The following ABR variants were observed in gnomAD, a reference collection of about 807,000 sequenced individuals.
ABR encodes active breakpoint cluster region-related protein.
A neutral mutation model predicts 107.2 loss-of-function variants in ABR; 35 were observed. The observed-to-expected ratio is 0.33, with a 90% CI of 0.25 to 0.43. The LOEUF is 0.43. ABR is among the 20% of genes least tolerant of loss of function. The pLI, the probability that ABR is intolerant of heterozygous loss-of-function variation, is 1.00. For synonymous variants in ABR, 498 were observed against 462.0 expected (o/e 1.08, Z -1.00); for missense variants, 815 against 1,115.2 (o/e 0.73, Z 3.83).
At chr17:1,018,197 C>T (rs974267805) in intron 16 of ABR, among the ~76,000 whole-genome samples, 9 of 152,170 alleles carry the variant, frequency 5.9e-5, no homozygotes, top group South Asian at 2.1e-4. Context: ...CGCCCGCCAC[C>T]ACCCCCGGCT....
chr17:1,044,036 A>T (rs2031131983), intron 16 of ABR, among the ~76,000 whole-genome samples: 1 of 152,348 alleles, frequency 6.6e-6, no homozygotes, highest in East Asian at 1.9e-4. Flanking sequence ...CCTCAGGCCC[A>T]GCCCGCCAAG....
chr17:1,179,124 T>C lies in ABR; in HGVS notation c.61+543A>G, dbSNP rs1454351003. ...CGCATCCAAACGGCCCCCGCGGATATCTGCACCCCCCGTCTCCCCTCCCAC... is the reference window on the plus strand; with the variant it reads ...CGCATCCAAACGGCCCCCGCGGATACCTGCACCCCCCGTCTCCCCTCCCAC... On this transcript the variant is annotated intron_variant, in intron 1 of 22. Transcript: ENST00000302538. This position sits in a 1 kb window ranked among gnomAD's most constrained non-coding sequence, Gnocchi z 4.9. Among the ~76,000 whole-genome samples, 1 of 151,482 alleles carries C rather than the reference T, an allele frequency of 6.6e-6. No homozygotes were observed. The highest frequency in any genetic ancestry group is 1.5e-5 in the Non-Finnish European group (1 of 67,862).
chr17:1,010,437 T>C lies in ABR; in HGVS notation c.2236+292A>G. 2.3e-6 allele frequency: 1 copy of C among 434,552 alleles called. No homozygotes were observed. The highest frequency in any genetic ancestry group is 4.2e-6 in the Non-Finnish European group (1 of 235,894). The allele number at this position is 434,552 out of a possible 1,614,324, so 26.9% of individuals were successfully genotyped here. On this transcript the variant is annotated intron_variant, in intron 20 of 22. Transcript: ENST00000302538. The surrounding 1 kb of genome is among the most constrained non-coding windows in gnomAD (Gnocchi z 4.1). ...TCTGGCCACTCACCTCAGGGCAGTC[T>C]TCCCTGGATGCTCGAGCTTCCAAGC...
chr17:1,222,272 C>T (rs1443175295), intron 1 of ABR, among the ~76,000 whole-genome samples: 1 of 152,056 alleles, frequency 6.6e-6, no homozygotes, highest in Admixed American at 6.6e-5. Context: ...ACCATGTTGG[C>T]CAGGCTGGTC....
chr17:1,042,709 C>T (rs1335399733), intron 16 of ABR, among the ~76,000 whole-genome samples: 7 of 149,638 alleles, frequency 4.7e-5, no homozygotes, highest in Admixed American at 6.7e-5. Flanking sequence ...CCTACATCCA[C>T]GGATGGATGG....
intron 1 of ABR, among the ~76,000 whole-genome samples, chr17:1,146,803 C>CT (rs1043688307): frequency 6.7e-6 from 1 of 148,754 alleles, no homozygotes. Context: ...CATGCCACCA[C>CT]TGCCACCAGG....
rs1295085212 is a variant in ABR, at chr17:1,109,123, G to A, written c.247-8388C>T. On this transcript the variant is annotated intron_variant, in intron 2 of 22. Coordinates refer to ENST00000302538, the MANE Select transcript of ABR (RefSeq NM_021962.5). ...GAAGCGGGGTCCACGCAGCGGCGGC[G>A]GGAGGAGGGAGGAGGGAGGAGGCGG... The A allele has an allele frequency of 6.6e-6, 10 of 1,516,086 alleles. No homozygotes were observed. In the African/African-American group the frequency reaches 1.0e-4, roughly 15 times the overall value. The allele number at this position is 1,516,086 out of a possible 1,614,324, so 93.9% of individuals were successfully genotyped here.
chr17:1,196,043 C>T (rs1279978966), intron 1 of ABR, among the ~76,000 whole-genome samples: 2 of 145,464 alleles, frequency 1.4e-5, no homozygotes, highest in African/African-American at 5.2e-5. Flanking sequence ...GCACGAGGAT[C>T]GCTTGAACCA....
At position 1,158,066 on chromosome 17, in the gene ABR, G is replaced by A. The variant is rs150758336; in HGVS notation, c.61+21601C>T. On this transcript the variant is annotated intron_variant, in intron 1 of 22. Coordinates refer to ENST00000302538, the MANE Select transcript of ABR (RefSeq NM_021962.5). ...TTCTCTTCCAACAGGTGGAAGGAGC[G>A]TGACCACCCCTGAGTAAGCCGCCAT... Among the ~76,000 whole-genome samples the A allele has an allele frequency of 1.1e-4, 16 of 152,244 alleles. No homozygotes were observed. In the East Asian group the frequency reaches 2.5e-3, roughly 24 times the overall value.
intron 1 of ABR, among the ~76,000 whole-genome samples, chr17:1,146,795 TGCCACCACTGCCACCAGGCCACCAC>T (rs1567824196): frequency 1.8e-5 from 1 of 56,412 alleles, no homozygotes; most frequent in East Asian, 1.2e-3. Flanking sequence ...ACTGCCACCA[TGCCACCACTGCCACCAGGCCACCAC>T]TGCCACACGA....
At chr17:1,189,966 C>T (rs1422662316), upstream of ABR, among the ~76,000 whole-genome samples, 1 of 152,206 alleles carries the variant, frequency 6.6e-6, no homozygotes, top group Non-Finnish European at 1.5e-5. Flanking sequence ...TGAGGCAGTA[C>T]AGGTGTTCCA....
Position 1,203,412 on chromosome 17 carries a change from TC to T in ABR, c.838+25380del, listed in dbSNP as rs2042715681. Reference sequence around the variant, plus strand: ...GGGGCGGGGCCCGCGGGGGGCGGAGTCTGCGGGGGCGGGGCCCGCGGGGACG... The same window carrying T: ...GGGGCGGGGCCCGCGGGGGGCGGAGTTGCGGGGGCGGGGCCCGCGGGGACG... On this transcript the variant is annotated intron_variant, in intron 1 of 22. Transcript: ENST00000574139. 8.2e-4 allele frequency among the ~76,000 whole-genome samples: 46 copies of T among 56,214 alleles called. 12 individuals carry two copies. Among genetic ancestry groups the T allele is most frequent in the Admixed American group, 5.0e-3 (30 of 5,972 alleles). The allele number at this position is 56,214 out of a possible 152,430, so 36.9% of individuals were successfully genotyped here.
At chr17:1,054,841 G>A (rs1044325258) in intron 14 of ABR, among the ~76,000 whole-genome samples, 5 of 152,276 alleles carry the variant, frequency 3.3e-5, no homozygotes, top group East Asian at 1.9e-4. Context: ...CTAACGGCCC[G>A]GGGAGTCACC....
rs1423490390 is a variant in ABR at position 1,027,599 on chromosome 17, GC to G, written c.1792-14436del. Among the ~76,000 whole-genome samples the G allele has an allele frequency of 6.6e-6, 1 of 152,014 alleles. No individual in the cohort carries two copies. The highest frequency in any genetic ancestry group is 2.4e-5 in the African/African-American group (1 of 41,386). ...AGTGCTGTGGAAAAGAGGGAGGGTC[GC>G]CCGACCCCACTGCCAACCTGTCAGC... On this transcript the variant is annotated intron_variant, in intron 16 of 22. Transcript: ENST00000302538. This position sits in a 1 kb window ranked among gnomAD's most constrained non-coding sequence, Gnocchi z 4.7.
intron 1 of ABR, among the ~76,000 whole-genome samples, chr17:1,216,456 C>T (rs923574764): frequency 6.6e-6 from 1 of 152,160 alleles, no homozygotes; most frequent in South Asian, 2.1e-4. Flanking sequence ...AGAAAGGGGC[C>T]AGAGGAAAGC....
intron 2 of ABR, among the ~76,000 whole-genome samples, chr17:1,122,375 T>C (rs1023255252): frequency 1.3e-5 from 2 of 151,942 alleles, no homozygotes; most frequent in Non-Finnish European, 2.9e-5. Flanking sequence ...TGGGATGAGG[T>C]TGATATGTGT....
intron 6 of ABR, chr17:1,079,039 G>GGAGGGAA: frequency 6.9e-7 from 1 of 1,440,792 alleles, no homozygotes; most frequent in Non-Finnish European, 9.1e-7. Flanking sequence ...GGCGAGGAGA[G>GGAGGGAA]GAGGGAAGGG....
chr17:1,013,052 C>T (rs1252074549), intron 17 of ABR, 53 bp downstream of exon 17: 6 of 1,602,242 alleles, frequency 3.7e-6, no homozygotes, highest in Non-Finnish European at 5.1e-6. Context: ...ACCTGCTGCA[C>T]AGACGTTCCA....
intron 5 of ABR, among the ~76,000 whole-genome samples, chr17:1,081,371 G>A (rs2036227247): frequency 6.6e-6 from 1 of 152,008 alleles, no homozygotes; most frequent in African/African-American, 2.4e-5. Context: ...CACTGCACCT[G>A]GCCTCTCCAG....
Sources: allele counts gnomAD v4.1 joint callset (sites outside exome capture counted in the v4.1 genomes callset), GRCh38; gene constraint gnomAD v4.1.1; non-coding constraint Gnocchi (gnomAD v3.1); transcripts MANE v1.5; gene names NCBI Gene and HGNC (gene_info 2026-07-23, HGNC 2026-07-21).